Variants in SFMBT2 observed in about 807,000 individuals in gnomAD.
SFMBT2 encodes scm-like with four MBT domains protein 2.
Under a neutral mutation model 110.1 loss-of-function variants are expected in SFMBT2, and 38 were observed. The observed-to-expected ratio is 0.35, with a 90% CI of 0.27 to 0.45. The LOEUF is 0.45. Among genes scored for constraint, SFMBT2 ranks in the 20% least tolerant of loss-of-function variants. SFMBT2 has a pLI of 1.00. For synonymous variants in SFMBT2, 425 were observed against 425.4 expected (o/e 1.00, Z 0.01); for missense variants, 1,011 against 1,094.9 (o/e 0.92, Z 1.08).
At chr10:7,236,543 A>T (rs920549514) in intron 9 of SFMBT2, among the ~76,000 whole-genome samples, 3 of 152,248 alleles carry the variant, frequency 2.0e-5, no homozygotes, top group African/African-American at 7.2e-5. Flanking sequence ...GAAACAGCAG[A>T]CCATTCAACA....
intron 17 of SFMBT2, 135 bp downstream of exon 17, chr10:7,175,855 T>A (rs1564367536): frequency 1.3e-6 from 1 of 789,918 alleles, no homozygotes. Flanking sequence ...TTAAAAATCC[T>A]TCCATAGCAA....
chr10:7,191,136 G>T (rs762875037), intron 15 of SFMBT2, among the ~76,000 whole-genome samples: 1 of 151,900 alleles, frequency 6.6e-6, no homozygotes, highest in African/African-American at 2.4e-5. Flanking sequence ...GGTATGTCTT[G>T]ATCACCAATG....
chr10:7,235,012 G>C (rs756787973), intron 9 of SFMBT2, among the ~76,000 whole-genome samples: 1 of 152,174 alleles, frequency 6.6e-6, no homozygotes, highest in Non-Finnish European at 1.5e-5. Flanking sequence ...ACCTACCTGG[G>C]GTTCTGAAGA....
intron 4 of SFMBT2, chr10:7,292,397 A>C (rs1188938710): frequency 5.9e-6 from 1 of 169,198 alleles, no homozygotes; most frequent in African/African-American, 2.4e-5. Flanking sequence ...TTTTCATATA[A>C]GGTTCAAATT....
chr10:7,387,916 T>C (rs970963907), intron 1 of SFMBT2, among the ~76,000 whole-genome samples: 1 of 143,170 alleles, frequency 7.0e-6, no homozygotes, highest in Non-Finnish European at 1.5e-5. Flanking sequence ...CCCACTGCAC[T>C]CCAGCCTGGA....
At chr10:7,319,290 A>G (rs1843102454) in intron 4 of SFMBT2, among the ~76,000 whole-genome samples, 1 of 152,230 alleles carries the variant, frequency 6.6e-6, no homozygotes, top group Non-Finnish European at 1.5e-5. Context: ...CTTAGCAGCA[A>G]TTAATTCCCC....
At chr10:7,173,580 T>A (rs1588764613) in intron 17 of SFMBT2, among the ~76,000 whole-genome samples, 1 of 152,264 alleles carries the variant, frequency 6.6e-6, no homozygotes, top group Admixed American at 6.5e-5. Flanking sequence ...CAGGTGTACA[T>A]CTTAATTCAA....
intron 2 of SFMBT2, among the ~76,000 whole-genome samples, chr10:7,380,689 C>A (rs1173295733): frequency 6.6e-6 from 1 of 151,962 alleles, no homozygotes; most frequent in South Asian, 2.1e-4. Context: ...TAAATAAACC[C>A]TTTATTGTGT....
intron 9 of SFMBT2, among the ~76,000 whole-genome samples, chr10:7,231,304 T>G (rs931805278): frequency 6.6e-6 from 1 of 152,192 alleles, no homozygotes; most frequent in African/African-American, 2.4e-5. Context: ...ATTTCCTGAG[T>G]TAATTTCAAG....
At chr10:7,255,849 T>G (rs991226517) in intron 7 of SFMBT2, among the ~76,000 whole-genome samples, 1 of 152,152 alleles carries the variant, frequency 6.6e-6, no homozygotes, top group Non-Finnish European at 1.5e-5. Flanking sequence ...ACCTGAAACT[T>G]TTTGAGGGCC....
At chr10:7,357,735 T>C (rs1844565194) in intron 4 of SFMBT2, among the ~76,000 whole-genome samples, 1 of 152,254 alleles carries the variant, frequency 6.6e-6, no homozygotes, top group Non-Finnish European at 1.5e-5. Flanking sequence ...CTGAAGGTCG[T>C]ACTCACCAAG....
intron 4 of SFMBT2, among the ~76,000 whole-genome samples, chr10:7,347,570 TG>T (rs1844157174): frequency 6.6e-6 from 1 of 152,206 alleles, no homozygotes; most frequent in African/African-American, 2.4e-5. Context: ...CAAATCTCTT[TG>T]TTTTTAAAAA....
At chr10:7,295,867 C>T (rs867191545) in intron 4 of SFMBT2, among the ~76,000 whole-genome samples, 1 of 152,146 alleles carries the variant, frequency 6.6e-6, no homozygotes, top group Middle Eastern at 3.4e-3. Flanking sequence ...GGGAAACACT[C>T]AGAGATGAAA....
At chr10:7,368,717 T>G (rs972723268) in intron 3 of SFMBT2, among the ~76,000 whole-genome samples, 4 of 152,244 alleles carry the variant, frequency 2.6e-5, no homozygotes, top group Admixed American at 2.6e-4. Flanking sequence ...AAAATTGTGA[T>G]CAATGTCTCT....
At chr10:7,244,507 T>C (rs919552779) in intron 8 of SFMBT2, among the ~76,000 whole-genome samples, 3 of 152,156 alleles carry the variant, frequency 2.0e-5, no homozygotes, top group South Asian at 2.1e-4. Context: ...GCTTTGTACA[T>C]AGGAACGGGA....
chr10:7,203,597 C>T (rs1326622284), intron 12 of SFMBT2: 1 of 700,346 alleles, frequency 1.4e-6, no homozygotes, highest in Non-Finnish European at 1.8e-6. Context: ...GGATCTAGGA[C>T]ACCAGGTTCT....
At chr10:7,397,367 G>GT (rs950104964) in intron 1 of SFMBT2, among the ~76,000 whole-genome samples, 1 of 149,346 alleles carries the variant, frequency 6.7e-6, no homozygotes, top group Non-Finnish European at 1.5e-5. Flanking sequence ...GTTTGTTGTT[G>GT]TTTTTTTGTT....
At chr10:7,296,722 G>A (rs1237736948) in intron 4 of SFMBT2, among the ~76,000 whole-genome samples, 3 of 152,194 alleles carry the variant, frequency 2.0e-5, no homozygotes, top group East Asian at 1.9e-4. Flanking sequence ...GGTTGAATGC[G>A]ACTCCGGATT....
At chr10:7,394,291 A>T (rs1191887637) in intron 1 of SFMBT2, among the ~76,000 whole-genome samples, 1 of 151,888 alleles carries the variant, frequency 6.6e-6, no homozygotes, top group Non-Finnish European at 1.5e-5. Context: ...TTGAAAGCCA[A>T]ATATTCTCTA....
Sources: gnomAD v4.1 joint callset for allele counts (sites outside exome capture counted in the v4.1 genomes callset) on GRCh38, gnomAD v4.1.1 for gene constraint, MANE v1.5 for transcripts, NCBI Gene and HGNC (gene_info 2026-07-23, HGNC 2026-07-21) for gene names.